Variants in CLSTN2 observed in about 807,000 individuals in gnomAD.
The protein encoded by CLSTN2 is calsyntenin-2.
A neutral mutation model predicts 101.2 loss-of-function variants in CLSTN2; 48 were observed. The ratio of observed to expected loss-of-function variants is 0.47; its 90% confidence interval spans 0.38 to 0.60. CLSTN2 has a LOEUF of 0.60. Ranked by LOEUF, CLSTN2 falls within the 20% of genes least tolerant of loss-of-function variation. CLSTN2 has a pLI of 0.00. For synonymous variants in CLSTN2, 481 were observed against 463.6 expected (o/e 1.04, Z -0.48); for missense variants, 1,160 against 1,238.2 (o/e 0.94, Z 0.95).
At chr3:140,299,549 C>T (rs2087037639) in intron 2 of CLSTN2, among the ~76,000 whole-genome samples, 1 of 152,142 alleles carries the variant, frequency 6.6e-6, no homozygotes, top group African/African-American at 2.4e-5. Flanking sequence ...GAGCCTTCAG[C>T]CAGGTGTAGA....
chr3:140,434,936 G>A (rs187409639), intron 5 of CLSTN2, among the ~76,000 whole-genome samples: 272 of 152,076 alleles, frequency 1.8e-3, no homozygotes, highest in African/African-American at 5.7e-3. Flanking sequence ...CCACTTTTGT[G>A]GGTACATAGT....
At chr3:140,192,475 CTGT>C (rs1452278597) in intron 2 of CLSTN2, among the ~76,000 whole-genome samples, 1 of 151,760 alleles carries the variant, frequency 6.6e-6, no homozygotes, top group African/African-American at 2.4e-5. Flanking sequence ...TTTTGCAGCT[CTGT>C]TGTTTAGTAC....
At chr3:140,561,990 C>T (rs75415930) in intron 12 of CLSTN2, 148 bp from the exon 13 acceptor site, 57 of 620,526 alleles carry the variant, frequency 9.2e-5, no homozygotes, top group South Asian at 5.7e-4. Context: ...GACATCTGAG[C>T]GGTGGATGTG....
chr3:140,224,496 A>T (rs1039979471), intron 2 of CLSTN2, among the ~76,000 whole-genome samples: 1 of 152,216 alleles, frequency 6.6e-6, no homozygotes, highest in Non-Finnish European at 1.5e-5. Flanking sequence ...CATGGAGTTT[A>T]TATTATGTGT....
intron 4 of CLSTN2, among the ~76,000 whole-genome samples, chr3:140,409,982 T>A (rs1399250144): frequency 6.6e-6 from 1 of 151,862 alleles, no homozygotes; most frequent in Non-Finnish European, 1.5e-5. Flanking sequence ...ACAGGTCATT[T>A]GAAGTTGTCC....
intron 5 of CLSTN2, among the ~76,000 whole-genome samples, chr3:140,434,665 G>A (rs1486791216): frequency 6.6e-6 from 1 of 152,206 alleles, no homozygotes; most frequent in African/African-American, 2.4e-5. Flanking sequence ...TGATGGGAAG[G>A]AGCAGGGAAC....
At position 140,233,426 on chromosome 3, in the gene CLSTN2, C is replaced by A. The variant is rs76472287; in HGVS notation, c.232+57353C>A. 3.2e-3 allele frequency among the ~76,000 whole-genome samples: 493 copies of A among 152,262 alleles called. 19 individuals carry two copies. The East Asian group carries it at 0.091, about 28-fold the overall frequency. ...CTATCTCCATTCCAGGAAGCACTAC[C>A]CTGGTTTGGTTGTATCTTCCTTCCT... On this transcript the variant is annotated intron_variant, in intron 2 of 16. Transcript: ENST00000458420.
intron 1 of CLSTN2, among the ~76,000 whole-genome samples, chr3:140,056,059 G>A (rs946930835): frequency 6.6e-6 from 1 of 152,170 alleles, no homozygotes; most frequent in Non-Finnish European, 1.5e-5. Flanking sequence ...ATGGGAGAGG[G>A]GGCCTACTCT....
Position 140,558,698 on chromosome 3 carries a change from C to T in CLSTN2, c.1882C>T (p.Leu628Phe). 1 of 1,614,018 alleles carries T rather than the reference C, an allele frequency of 6.2e-7. No individual in the cohort carries two copies. Among genetic ancestry groups the T allele is most frequent in the African/African-American group, 1.3e-5 (1 of 74,984 alleles). Residue 628 changes from leucine (L) to phenylalanine (F), a missense_variant, in exon 12 of 17, where the codon CTC (leucine) becomes TTC (phenylalanine). By Grantham distance (22) the Leu-to-Phe change is conservative (BLOSUM62 0). Transcript: ENST00000458420. ...TGAGGTAGATGCCTATGTGATGGTCCTCCAGGCCATCGAGCCCCGGATCAC... is the reference window on the plus strand; with the variant it reads ...TGAGGTAGATGCCTATGTGATGGTCTTCCAGGCCATCGAGCCCCGGATCAC... The part of the protein sequence containing the change: ...IPEVDAYVMV[L>F]QAIEPRITLR...
intron 1 of CLSTN2, among the ~76,000 whole-genome samples, chr3:140,107,336 T>C (rs1560096746): frequency 1.3e-5 from 2 of 152,186 alleles, no homozygotes; most frequent in Non-Finnish European, 2.9e-5. Flanking sequence ...TTTTCCTGGA[T>C]CCACTCCCTC....
intron 1 of CLSTN2, among the ~76,000 whole-genome samples, chr3:139,974,601 T>C (rs1179801827): frequency 6.6e-6 from 1 of 152,244 alleles, no homozygotes. Context: ...TTACAGCATA[T>C]GTTGCACTGA....
intron 1 of CLSTN2, among the ~76,000 whole-genome samples, chr3:140,118,065 A>C (rs1576433220): frequency 6.6e-6 from 1 of 152,236 alleles, no homozygotes; most frequent in Non-Finnish European, 1.5e-5. Context: ...AGGCTATCAC[A>C]ATGGGCTCAA....
rs9875409 is a variant in CLSTN2 at position 140,572,131 on chromosome 3, G to A, written c.*5878G>A. 91,982 of 152,104 alleles carry A rather than the reference G, an allele frequency of 0.6. 31,129 individuals are homozygous for A. Among genetic ancestry groups the A allele is most frequent in the Non-Finnish European group, 0.77 (52,663 of 68,038 alleles). The allele number at this position is 152,104 out of a possible 1,614,324, so 9.4% of individuals were successfully genotyped here. A position where few individuals can be genotyped will look rare whatever the true frequency, so the allele number is the denominator to read the frequency against. ...CTGTGCACGAGCAGTCAGGACTTTG[G>A]GGACAGAAGTTTAGTGTTAGGGAGG... On this transcript the variant is annotated 3_prime_UTR_variant, in exon 17 of 17. Coordinates refer to ENST00000458420, the MANE Select transcript of CLSTN2 (RefSeq NM_022131.3).
chr3:140,328,722 C>T (rs1028312067), intron 2 of CLSTN2, among the ~76,000 whole-genome samples: 2 of 152,140 alleles, frequency 1.3e-5, no homozygotes, highest in African/African-American at 2.4e-5. Context: ...CACTGAGTAA[C>T]TCTGGTCCAG....
intron 4 of CLSTN2, among the ~76,000 whole-genome samples, chr3:140,408,018 TCAGACAGCTA>T (rs2088323618): frequency 2.6e-5 from 4 of 151,994 alleles, no homozygotes; most frequent in African/African-American, 9.7e-5. Context: ...CAAAGTACAA[TCAGACAGCTA>T]TCTATGAAAG....
intron 2 of CLSTN2, among the ~76,000 whole-genome samples, chr3:140,294,473 G>T (rs1303826409): frequency 6.6e-6 from 1 of 152,078 alleles, no homozygotes; most frequent in Admixed American, 6.6e-5. Flanking sequence ...TCATCATGAA[G>T]GGTGACAAAT....
At chr3:140,086,256 C>T (rs2008679035) in intron 1 of CLSTN2, among the ~76,000 whole-genome samples, 1 of 152,162 alleles carries the variant, frequency 6.6e-6, no homozygotes, top group Non-Finnish European at 1.5e-5. Context: ...GGTTGGTTAG[C>T]AATGTCTGCT....
chr3:139,965,374 C>T (rs906478738), intron 1 of CLSTN2, among the ~76,000 whole-genome samples: 4 of 152,106 alleles, frequency 2.6e-5, no homozygotes, highest in African/African-American at 9.7e-5. Context: ...AGTCATGGTT[C>T]CTGAGCAGCT....
At chr3:140,386,327 C>T (rs561400333) in intron 2 of CLSTN2, among the ~76,000 whole-genome samples, 127 of 152,332 alleles carry the variant, frequency 8.3e-4, no homozygotes, top group African/African-American at 2.1e-3. Flanking sequence ...GCCAGTATAA[C>T]TTTGTTAAAC....
Sources: allele counts gnomAD v4.1 joint callset (sites outside exome capture counted in the v4.1 genomes callset), GRCh38; gene constraint gnomAD v4.1.1; transcripts MANE v1.5; gene names NCBI Gene and HGNC (gene_info 2026-07-23, HGNC 2026-07-21).